Variants in GEMIN6 observed in about 807,000 individuals in gnomAD.
GEMIN6 encodes the protein gem-associated protein 6.
Under a neutral mutation model 14.1 loss-of-function variants are expected in GEMIN6, and 13 were observed. That is an observed-to-expected ratio of 0.92 (90% CI 0.60 to 1.46). The LOEUF (loss-of-function observed/expected upper bound fraction) is 1.46. GEMIN6 is among the 40% of genes most tolerant of loss of function. The pLI, the probability that GEMIN6 is intolerant of heterozygous loss-of-function variation, is 0.00. For missense variants in GEMIN6, 271 were observed against 202.4 expected (o/e 1.34, Z -2.06); for synonymous variants, 87 against 70.0 (o/e 1.24, Z -1.21).
chr2:38,778,828 A>G, intron 1 of GEMIN6, 144 bp from the exon 2 acceptor site: 1 of 614,490 alleles, frequency 1.6e-6, no homozygotes, highest in Non-Finnish European at 2.8e-6. Context: ...CAGTACATGC[A>G]TTAATACTTA....
rs930888798 is a variant in GEMIN6, at chr2:38,784,974, T to C, written c.*3082T>C. 3.3e-5 allele frequency: 5 copies of C among 152,176 alleles called. No individual in the cohort carries two copies. Among genetic ancestry groups the C allele is most frequent in the African/African-American group, 1.2e-4 (5 of 41,458 alleles). The allele number at this position is 152,176 out of a possible 1,614,324, so 9.4% of individuals were successfully genotyped here. On this transcript the variant is annotated 3_prime_UTR_variant, in exon 3 of 3. Coordinates refer to ENST00000281950, the MANE Select transcript of GEMIN6 (RefSeq NM_024775.10). Reference sequence around the variant, plus strand: ...TTTGAACACATTATCAAGAATACTTTTTAAAATAAAAGTCTGTTTCGACTT... The same window carrying C: ...TTTGAACACATTATCAAGAATACTTCTTAAAATAAAAGTCTGTTTCGACTT...
intron 1 of GEMIN6, among the ~76,000 whole-genome samples, chr2:38,778,742 T>A (rs1669008720): frequency 6.6e-6 from 1 of 152,188 alleles, no homozygotes; most frequent in African/African-American, 2.4e-5. Flanking sequence ...ATATTAACTA[T>A]TTTCCTTTTC....
In GEMIN6 at chr2:38,781,590, G is replaced by A; in HGVS notation, c.202G>A (p.Val68Ile). Residue 68 changes from valine to isoleucine, a missense_variant, in exon 3 of 3, where the codon GTT (valine) becomes ATT (isoleucine). Physicochemically the swap from Val to Ile is conservative, Grantham distance 29. Coordinates refer to ENST00000281950, the MANE Select transcript of GEMIN6 (RefSeq NM_024775.10). ...TGIMGHAVQT[V>I]ETMNEGDHRV... The stretch of plus-strand genomic sequence containing the variant: ...AATTATGGGACATGCTGTGCAGACT[G>A]TTGAAACTATGAATGAAGGGGACCA... The A allele has an allele frequency of 6.2e-7, 1 of 1,614,188 alleles. No homozygotes were observed. The highest frequency in any genetic ancestry group is 8.5e-7 in the Non-Finnish European group (1 of 1,180,018).
Position 38,781,912 on chromosome 2 carries a change from A to C in GEMIN6, c.*20A>C, listed in dbSNP as rs1669101042. On this transcript the variant is annotated 3_prime_UTR_variant, in exon 3 of 3. Coordinates refer to ENST00000281950, the MANE Select transcript of GEMIN6 (RefSeq NM_024775.10). ...CAATGAGAGGCCAGGAAGTGTGAAC[A>C]TACTGATAGAAAAAGACTATATTTT... The C allele has an allele frequency of 6.4e-7, 1 of 1,569,038 alleles. No homozygotes were observed. Among genetic ancestry groups the C allele is most frequent in the Non-Finnish European group, 8.6e-7 (1 of 1,159,220 alleles).
At chr2:38,781,160 G>A (rs1160287336) in intron 2 of GEMIN6, among the ~76,000 whole-genome samples, 1 of 150,958 alleles carries the variant, frequency 6.6e-6, no homozygotes, top group African/African-American at 2.4e-5. Flanking sequence ...TAGGGATTGG[G>A]TTTCACCATC....
chr2:38,781,567 T>A lies in GEMIN6; in HGVS notation c.179T>A (p.Ile60Asn). The A allele has an allele frequency of 6.2e-7, 1 of 1,613,932 alleles. No individual in the cohort carries two copies. Among genetic ancestry groups the A allele is most frequent in the Non-Finnish European group, 8.5e-7 (1 of 1,179,974 alleles). Residue 60 changes from isoleucine (I) to asparagine (N), a missense_variant, in exon 3 of 3, where the codon ATT (isoleucine) becomes AAT (asparagine). Physicochemically the swap from Ile to Asn is moderately radical, Grantham distance 149 (BLOSUM62 -3). Transcript: ENST00000281950. ...LEDGSMSVTGIMGHAVQTVET... is the reference protein window; with the variant it reads ...LEDGSMSVTGNMGHAVQTVET... ...GATGGCAGCATGTCTGTGACCGGAA[T>A]TATGGGACATGCTGTGCAGACTGTT...
Position 38,779,071 on chromosome 2 carries a change from G to T in GEMIN6, c.81G>T (p.Lys27Asn). 6.2e-7 allele frequency: 1 copy of T among 1,613,956 alleles called. No individual in the cohort carries two copies. The highest frequency in any genetic ancestry group is 8.5e-7 in the Non-Finnish European group (1 of 1,179,902). Residue 27 changes from lysine to asparagine, a missense_variant, in exon 2 of 3, where the codon AAG becomes AAT. Coordinates refer to ENST00000281950, the MANE Select transcript of GEMIN6 (RefSeq NM_024775.10). ...AGGTCCGAGTGACAGCCAGTGAGAA[G>T]AATGAGTATAAAGGATGGGTTTTAA... The part of the protein sequence containing the change: ...YKEVRVTASE[K>N]NEYKGWVLTT...
chr2:38,779,898 G>C (rs1328585574), intron 2 of GEMIN6, among the ~76,000 whole-genome samples: 1 of 149,820 alleles, frequency 6.7e-6, no homozygotes, highest in Non-Finnish European at 1.5e-5. Context: ...GGCCAGGCTG[G>C]TCTCAAACTC....
chr2:38,780,536 C>T (rs1484847264), intron 2 of GEMIN6, among the ~76,000 whole-genome samples: 1 of 149,764 alleles, frequency 6.7e-6, no homozygotes, highest in African/African-American at 2.5e-5. Flanking sequence ...GATGGGGTTT[C>T]ACCATGTTAG....
chr2:38,781,241 T>C (rs561159206), intron 2 of GEMIN6, among the ~76,000 whole-genome samples: 131 of 152,010 alleles, frequency 8.6e-4, no homozygotes, highest in Non-Finnish European at 1.0e-4. Context: ...GTGCTGGGAT[T>C]ACAGGCGTGA....
intron 2 of GEMIN6, among the ~76,000 whole-genome samples, chr2:38,780,304 A>G (rs1276345322): frequency 6.6e-6 from 1 of 150,664 alleles, no homozygotes; most frequent in Non-Finnish European, 1.5e-5. Context: ...TGGATGACAG[A>G]GCAAGACTCC....
intron 2 of GEMIN6, among the ~76,000 whole-genome samples, chr2:38,779,664 A>ATTTTTTTTT (rs1166903482): frequency 1.4e-4 from 3 of 20,778 alleles, no homozygotes; most frequent in Non-Finnish European, 2.4e-4. Context: ...ATATATATAT[A>ATTTTTTTTT]TTTTTTTTTT....
rs1285623143 is a variant in GEMIN6, at chr2:38,779,104, C to T, written c.114C>T (p.Asp38=). ...NEYKGWVLTT[D]PVSANIVLVN... ...ATAAAGGATGGGTTTTAACTACAGA[C>T]CCAGTCTCTGCCAAGTGAGTATGCA... The change falls in exon 2 of 3, where the codon GAC becomes GAT. Residue 38 remains aspartate, a synonymous_variant. Transcript: ENST00000281950. 3 of 1,612,524 alleles carry T rather than the reference C, an allele frequency of 1.9e-6. No homozygotes were observed. Among genetic ancestry groups the T allele is most frequent in the East Asian group, 2.2e-5 (1 of 44,810 alleles).
intron 2 of GEMIN6, among the ~76,000 whole-genome samples, chr2:38,779,941 C>G (rs1230298436): frequency 1.3e-5 from 2 of 150,858 alleles, no homozygotes; most frequent in African/African-American, 4.9e-5. Context: ...CCTTGGCCTC[C>G]CAAAGTGCTA....
Position 38,783,327 on chromosome 2 carries a change from A to T in GEMIN6, c.*1435A>T, listed in dbSNP as rs1477103003. The T allele has an allele frequency of 6.6e-6, 1 of 152,134 alleles. No homozygotes were observed. The highest frequency in any genetic ancestry group is 6.6e-5 in the Admixed American group (1 of 15,214). The allele number at this position is 152,134 out of a possible 1,614,324, so 9.4% of individuals were successfully genotyped here. ...CTCAGCCCCCTCAGTAGCTGGGATTACCAGGCACATAGCACCATGCCCAGC... is the reference window on the plus strand; with the variant it reads ...CTCAGCCCCCTCAGTAGCTGGGATTTCCAGGCACATAGCACCATGCCCAGC... On this transcript the variant is annotated 3_prime_UTR_variant, in exon 3 of 3. Coordinates refer to ENST00000281950, the MANE Select transcript of GEMIN6 (RefSeq NM_024775.10).
In GEMIN6 at chr2:38,784,044, C is replaced by A. The variant is rs947437614; in HGVS notation, c.*2152C>A. Reference sequence around the variant, plus strand: ...CACACTTGCAGAAGCAGTTCAGAAACTTCAGGGGAACAGAAAGTTCCTCCC... The same window carrying A: ...CACACTTGCAGAAGCAGTTCAGAAAATTCAGGGGAACAGAAAGTTCCTCCC... On this transcript the variant is annotated 3_prime_UTR_variant, in exon 3 of 3. Transcript: ENST00000281950. 3.9e-5 allele frequency: 6 copies of A among 152,204 alleles called. No individual in the cohort carries two copies. The highest frequency in any genetic ancestry group is 1.4e-4 in the African/African-American group (6 of 41,458). The allele number at this position is 152,204 out of a possible 1,614,324, so 9.4% of individuals were successfully genotyped here.
Position 38,781,691 on chromosome 2 carries a change from G to A in GEMIN6, c.303G>A (p.Glu101=). The change falls in exon 3 of 3, where the codon GAG becomes GAA. Residue 101 remains glutamate (E), a synonymous_variant. Transcript: ENST00000281950. ...CKAYSPEDLE[E]RKNSLKKWLE... The stretch of plus-strand genomic sequence containing the variant: ...CATACAGCCCAGAGGATCTGGAAGA[G>A]AGAAAGAACAGCCTAAAGAAATGGC... The A allele has an allele frequency of 6.2e-7, 1 of 1,614,206 alleles. No homozygotes were observed. The highest frequency in any genetic ancestry group is 8.5e-7 in the Non-Finnish European group (1 of 1,180,032).
At chr2:38,778,886 C>A in intron 1 of GEMIN6, 86 bp from the exon 2 acceptor site, 2 of 1,160,042 alleles carry the variant, frequency 1.7e-6, no homozygotes, top group South Asian at 1.7e-5. Context: ...CACAGATGTT[C>A]TCTGTCTCTA....
chr2:38,781,500 T>C lies in GEMIN6; in HGVS notation c.129-17T>C. On this transcript the variant is annotated splice_polypyrimidine_tract_variant and intron_variant, in intron 2 of 2. Transcript: ENST00000281950. ...ACTTGGGTTGATGATGCCTCTAAAC[T>C]TACTTTTCCTCCAAAGTATTGTCCT... The C allele has an allele frequency of 6.3e-7, 1 of 1,590,826 alleles. No homozygotes were observed. The highest frequency in any genetic ancestry group is 1.7e-4 in the Middle Eastern group (1 of 5,940).
Sources: allele counts gnomAD v4.1 joint callset (sites outside exome capture counted in the v4.1 genomes callset), GRCh38; gene constraint gnomAD v4.1.1; transcripts MANE v1.5; gene names NCBI Gene and HGNC (gene_info 2026-07-23, HGNC 2026-07-21).